Variants in PTPRK observed in about 807,000 individuals in gnomAD.
PTPRK encodes the protein protein tyrosine phosphatase receptor type K, also known as receptor-type tyrosine-protein phosphatase kappa.
A neutral mutation model predicts 178.0 loss-of-function variants in PTPRK; 75 were observed. The ratio of observed to expected loss-of-function variants is 0.42; its 90% CI spans 0.35 to 0.51. The LOEUF is 0.51. Ranked by LOEUF, PTPRK falls within the 20% of genes least tolerant of loss-of-function variation. The pLI is 0.02. For synonymous variants in PTPRK, 637 were observed against 620.6 expected (o/e 1.03, Z -0.39); for missense variants, 1,441 against 1,797.8 (o/e 0.80, Z 3.59).
At chr6:128,472,710 G>A (rs1156673693) in intron 1 of PTPRK, 5 of 351,644 alleles carry the variant, frequency 1.4e-5, no homozygotes, top group East Asian at 1.0e-4. Flanking sequence ...ATTTCCAACT[G>A]TAACAATATT....
chr6:128,514,472 C>T (rs1857653357), intron 1 of PTPRK, among the ~76,000 whole-genome samples: 1 of 152,094 alleles, frequency 6.6e-6, no homozygotes, highest in Non-Finnish European at 1.5e-5. Flanking sequence ...AATAACTCCA[C>T]TACGCACTAT....
At chr6:128,488,899 A>C (rs1304055981) in intron 1 of PTPRK, among the ~76,000 whole-genome samples, 1 of 152,120 alleles carries the variant, frequency 6.6e-6, no homozygotes, top group African/African-American at 2.4e-5. Flanking sequence ...GAGTGTTTTA[A>C]AAGTAGGATA....
intron 7 of PTPRK, among the ~76,000 whole-genome samples, chr6:128,104,455 C>T (rs1477898799): frequency 6.6e-6 from 1 of 152,224 alleles, no homozygotes; most frequent in African/African-American, 2.4e-5. Flanking sequence ...AACTCCTAAC[C>T]TCGTGATCCG....
At chr6:128,258,140 T>C (rs1412082833) in intron 3 of PTPRK, among the ~76,000 whole-genome samples, 1 of 152,152 alleles carries the variant, frequency 6.6e-6, no homozygotes, top group African/African-American at 2.4e-5. Context: ...TCTTTATACA[T>C]AAACTAAATT....
At chr6:128,193,455 T>C (rs1583420116) in intron 6 of PTPRK, among the ~76,000 whole-genome samples, 1 of 151,470 alleles carries the variant, frequency 6.6e-6, no homozygotes, top group Middle Eastern at 3.2e-3. Flanking sequence ...AGAAATTGTA[T>C]ATAATTGTAC....
intron 6 of PTPRK, among the ~76,000 whole-genome samples, chr6:128,185,788 G>A (rs1802656595): frequency 1.3e-5 from 2 of 151,954 alleles, no homozygotes. Flanking sequence ...ACAAATAGAG[G>A]GAAGTCATGA....
At chr6:128,238,203 G>T (rs113882916) in intron 5 of PTPRK, 9 of 253,614 alleles carry the variant, frequency 3.5e-5, no homozygotes, top group Non-Finnish European at 5.0e-5. Context: ...AAAAAAAAAA[G>T]AAAAGAAAAA....
chr6:128,232,708 T>G (rs966508244), intron 5 of PTPRK, among the ~76,000 whole-genome samples: 8 of 152,226 alleles, frequency 5.3e-5, no homozygotes, highest in Non-Finnish European at 1.2e-4. Flanking sequence ...GATATATTTG[T>G]GCCATGTGCC....
At chr6:128,289,013 A>T (rs559346619) in intron 3 of PTPRK, among the ~76,000 whole-genome samples, 1 of 152,164 alleles carries the variant, frequency 6.6e-6, no homozygotes, top group East Asian at 1.9e-4. Context: ...CACCAAATCT[A>T]TGGTCACTAT....
rs1785004200 is a variant in PTPRK at position 128,082,544 on chromosome 6, A to T, written c.1670T>A (p.Val557Asp). 6.2e-7 allele frequency: 1 copy of T among 1,612,774 alleles called. No individual in the cohort carries two copies. Among genetic ancestry groups the T allele is most frequent in the Non-Finnish European group, 8.5e-7 (1 of 1,178,900 alleles). The stretch of plus-strand genomic sequence containing the variant: ...GGTTCCAGGGTGGAGATGCATAAAG[A>T]CATGGTGTGTACTGTTCCATAAATT... ...VSNLWNSTHH[V>D]FMHLHPGTTY... Residue 557 changes from valine to aspartate, a missense_variant, in exon 10 of 30, where the codon GTC (valine) becomes GAC (aspartate). Physicochemically the swap from Val to Asp is radical, Grantham distance 152 (BLOSUM62 -3). Coordinates refer to ENST00000368226, the MANE Select transcript of PTPRK (RefSeq NM_002844.4).
At chr6:128,501,402 C>T (rs1419851238) in intron 1 of PTPRK, among the ~76,000 whole-genome samples, 3 of 151,980 alleles carry the variant, frequency 2.0e-5, no homozygotes, top group Non-Finnish European at 2.9e-5. Flanking sequence ...CACACACACA[C>T]ACACACACAC....
intron 7 of PTPRK, among the ~76,000 whole-genome samples, chr6:128,128,954 T>C (rs560272606): frequency 2.6e-5 from 4 of 152,352 alleles, no homozygotes; most frequent in Middle Eastern, 3.4e-3. Context: ...AAGAATTCTT[T>C]CTATCAAAGA....
At chr6:128,316,744 G>A (rs1472252299) in intron 3 of PTPRK, among the ~76,000 whole-genome samples, 1 of 142,824 alleles carries the variant, frequency 7.0e-6, no homozygotes, top group Non-Finnish European at 1.5e-5. Flanking sequence ...TTGAGACAGA[G>A]TCTCACGCTG....
Position 128,067,686 on chromosome 6 carries a change from C to T in PTPRK, c.1990G>A (p.Gly664Arg), listed in dbSNP as rs753570615. The T allele has an allele frequency of 6.8e-6, 11 of 1,613,682 alleles. No homozygotes were observed. The highest frequency in any genetic ancestry group is 9.3e-6 in the Non-Finnish European group (11 of 1,179,814). The stretch of plus-strand genomic sequence containing the variant: ...GCAGCAAAGTAATACGGTGCACCCC[C>T]ACTCATGGCATTTTGGTATGTGACA... ...VPVTYQNAMS[G>R]GAPYYFAAEL... Residue 664 changes from glycine (G) to arginine (R), a missense_variant, in exon 12 of 30, where the codon GGG becomes AGG. Physicochemically the swap from Gly to Arg is moderately radical, Grantham distance 125. Coordinates refer to ENST00000368226, the MANE Select transcript of PTPRK (RefSeq NM_002844.4).
chr6:128,395,251 G>A (rs1840142909), intron 2 of PTPRK, among the ~76,000 whole-genome samples: 1 of 152,156 alleles, frequency 6.6e-6, no homozygotes, highest in Admixed American at 6.5e-5. Context: ...TCACCTCTCT[G>A]AAGACTAAAC....
intron 1 of PTPRK, among the ~76,000 whole-genome samples, chr6:128,479,432 A>C (rs781278144): frequency 2.6e-5 from 4 of 152,154 alleles, no homozygotes; most frequent in Non-Finnish European, 5.9e-5. Context: ...ATCCCAGTCA[A>C]TGTCCAAATT....
chr6:128,078,876 T>G lies in PTPRK; in HGVS notation c.1820A>C (p.Asn607Thr). 1.2e-6 allele frequency: 2 copies of G among 1,612,326 alleles called. No homozygotes were observed. The highest frequency in any genetic ancestry group is 1.7e-6 in the Non-Finnish European group (2 of 1,178,770). The change falls in exon 11 of 30, where the codon AAT becomes ACT. Residue 607 changes from asparagine to threonine, a missense_variant. By Grantham distance (65) the Asn-to-Thr change is moderately conservative. Coordinates refer to ENST00000368226, the MANE Select transcript of PTPRK (RefSeq NM_002844.4). ...PDYEGVDASL[N>T]ETATTITVLL... The stretch of plus-strand genomic sequence containing the variant: ...TACAGTTATTGTGGTGGCAGTTTCA[T>G]TGAGAGAGGCATCAACTCCTTCATA...
intron 3 of PTPRK, among the ~76,000 whole-genome samples, chr6:128,307,636 T>A (rs1442676922): frequency 2.0e-5 from 3 of 151,584 alleles, no homozygotes; most frequent in Non-Finnish European, 4.4e-5. Context: ...GATAAACCAA[T>A]AGATAACTGA....
At chr6:128,057,119 CT>C (rs1206406612) in intron 13 of PTPRK, among the ~76,000 whole-genome samples, 1 of 152,144 alleles carries the variant, frequency 6.6e-6, no homozygotes, top group African/African-American at 2.4e-5. Flanking sequence ...AGATTTCTCT[CT>C]TAGTGTCAAT....
Sources: gnomAD v4.1 joint callset for allele counts (sites outside exome capture counted in the v4.1 genomes callset) on GRCh38, gnomAD v4.1.1 for gene constraint, MANE v1.5 for transcripts, NCBI Gene and HGNC (gene_info 2026-07-23, HGNC 2026-07-21) for gene names.